The following ARMC2 variants were observed in gnomAD, a reference collection of about 807,000 sequenced individuals.
ARMC2 encodes the protein armadillo repeat containing 2, also known as armadillo repeat-containing protein 2.
Under a neutral mutation model 90.3 loss-of-function variants are expected in ARMC2, and 67 were observed. The observed-to-expected ratio is 0.74, with a 90% CI of 0.61 to 0.91. ARMC2 has a LOEUF of 0.91. Ranked by LOEUF, ARMC2 falls within the 40% of genes least tolerant of loss-of-function variation. ARMC2 has a pLI of 0.00. For missense variants in ARMC2, 920 were observed against 1,030.9 expected, an observed-to-expected ratio of 0.89 and a Z score of 1.47; for synonymous variants, 393 against 393.0, an observed-to-expected ratio of 1.00 and a Z score of 0.00.
chr6:108,876,016 A>G, intron 4 of ARMC2, 127 bp from the exon 5 acceptor site: 1 of 864,448 alleles, frequency 1.2e-6, no homozygotes, highest in African/African-American at 1.7e-5. Context: ...ATAAAATTCC[A>G]GACTTAATTA....
chr6:108,879,855 C>T (rs1415598693), intron 5 of ARMC2: 1 of 455,166 alleles, frequency 2.2e-6, no homozygotes, highest in Non-Finnish European at 4.5e-6. Context: ...AGTATCTTAA[C>T]ACTTTCAGGG....
the ARMC2 span, among the ~76,000 whole-genome samples, chr6:109,024,941 GC>G: frequency 6.6e-6 from 1 of 152,190 alleles, no homozygotes; most frequent in African/African-American, 2.4e-5. Flanking sequence ...GGCCGAACTG[GC>G]AAAGTAACAG....
chr6:108,942,768 G>A (rs1199968459), intron 12 of ARMC2, among the ~76,000 whole-genome samples: 3 of 152,110 alleles, frequency 2.0e-5, no homozygotes, highest in Admixed American at 6.5e-5. Flanking sequence ...TGGGAGGTTA[G>A]TATTGCTTCT....
chr6:108,901,801 C>T (rs538886321), intron 7 of ARMC2, among the ~76,000 whole-genome samples: 1 of 152,198 alleles, frequency 6.6e-6, no homozygotes. Flanking sequence ...TCAAATTTTG[C>T]CAATTTGTCC....
At chr6:108,945,264 T>A in intron 12 of ARMC2, among the ~76,000 whole-genome samples, 1 of 152,140 alleles carries the variant, frequency 6.6e-6, no homozygotes, top group East Asian at 1.9e-4. Context: ...TGTTGCTACA[T>A]TTAGCATCTC....
chr6:108,883,659 A>G lies in ARMC2; in HGVS notation c.671+7309A>G, dbSNP rs140147872. Among the ~76,000 whole-genome samples, 640 of 152,250 alleles carry G rather than the reference A, an allele frequency of 4.2e-3. 3 individuals are homozygous for G. Among genetic ancestry groups the G allele is most frequent in the African/African-American group, 0.014 (600 of 41,546 alleles). The stretch of plus-strand genomic sequence containing the variant: ...TTACTTTTTTCTTAACTTTAGAGAG[A>G]TCTTTTAGAAACTATTCTCTCTTTG... On this transcript the variant is annotated intron_variant, in intron 5 of 17. Transcript: ENST00000392644.
intron 5 of ARMC2, among the ~76,000 whole-genome samples, chr6:108,881,001 A>G (rs1374529495): frequency 6.6e-6 from 1 of 151,828 alleles, no homozygotes; most frequent in Non-Finnish European, 1.5e-5. Context: ...GATTACAGGC[A>G]TGTGCCACCA....
chr6:108,894,623 C>T, intron 6 of ARMC2, 80 bp downstream of exon 6: 1 of 1,249,286 alleles, frequency 8.0e-7, no homozygotes, highest in Non-Finnish European at 1.1e-6. Context: ...TCTATGTTGG[C>T]CACTGGAAAC....
At chr6:108,967,713 CT>C (rs1362219054) in intron 17 of ARMC2, among the ~76,000 whole-genome samples, 2 of 152,112 alleles carry the variant, frequency 1.3e-5, no homozygotes, top group Non-Finnish European at 2.9e-5. Flanking sequence ...TATTTGTATT[CT>C]TTTTATTGTT....
the ARMC2 span, chr6:108,990,823 C>T: frequency 6.2e-7 from 1 of 1,613,702 alleles, no homozygotes; most frequent in Non-Finnish European, 8.5e-7. Context: ...CCATGATCTT[C>T]CCAGCAATAG....
chr6:109,001,605 A>C, the ARMC2 span: 3 of 880,296 alleles, frequency 3.4e-6, no homozygotes, highest in Non-Finnish European at 5.2e-6. Context: ...TGGCTTAAGA[A>C]AGAGGGGTTA....
At chr6:109,045,005 A>G in the ARMC2 span, among the ~76,000 whole-genome samples, 2 of 151,976 alleles carry the variant, frequency 1.3e-5, no homozygotes, top group African/African-American at 4.8e-5. Flanking sequence ...CCTGGGCAAC[A>G]AGAGCGAGAC....
At chr6:108,966,879 T>C (rs780054305) in intron 17 of ARMC2, among the ~76,000 whole-genome samples, 12 of 152,236 alleles carry the variant, frequency 7.9e-5, no homozygotes, top group Non-Finnish European at 1.8e-4. Context: ...CAGGTGAGTC[T>C]ATTAGCTAAG....
intron 11 of ARMC2, among the ~76,000 whole-genome samples, chr6:108,930,140 AG>A (rs1775414899): frequency 6.6e-6 from 1 of 151,894 alleles, no homozygotes; most frequent in Admixed American, 6.6e-5. Flanking sequence ...AAAAAAAAAA[AG>A]AATCCAAACT....
At chr6:108,912,100 T>G (rs1324335673) in intron 9 of ARMC2, among the ~76,000 whole-genome samples, 1 of 152,194 alleles carries the variant, frequency 6.6e-6, no homozygotes, top group East Asian at 1.9e-4. Context: ...AAAAGAATAC[T>G]TTCTCATTTA....
the ARMC2 span, among the ~76,000 whole-genome samples, chr6:108,991,873 T>C: frequency 6.6e-6 from 1 of 152,190 alleles, no homozygotes; most frequent in East Asian, 1.9e-4. Context: ...CTTGAAGCTC[T>C]CAGCAGCCAA....
rs911217153 is a variant in ARMC2, at chr6:108,854,629, A to C, written c.218+144A>C. The stretch of plus-strand genomic sequence containing the variant: ...TTCACAGCAAAATTGAGTGGAAGGT[A>C]CAGAGATTTCCCATGTACCCCCTAC... On this transcript the variant is annotated intron_variant, in intron 2 of 17. Coordinates refer to ENST00000392644, the MANE Select transcript of ARMC2 (RefSeq NM_032131.6). The C allele has an allele frequency of 4.5e-5, 35 of 779,904 alleles. No homozygotes were observed. In the Admixed American group the frequency reaches 9.5e-4, roughly 21 times the overall value. 48.3% of individuals were successfully genotyped at this position (779,904 alleles called of 1,614,324 possible). A position where few individuals can be genotyped will look rare whatever the true frequency, so the allele number is the denominator to read the frequency against.
chr6:108,959,730 G>T (rs115643887), intron 13 of ARMC2, among the ~76,000 whole-genome samples: 18,048 of 151,742 alleles, frequency 0.12, 1,134 homozygotes, highest in Middle Eastern at 0.21. Flanking sequence ...CTGTCACCCG[G>T]ACTGGAGTGC....
intron 17 of ARMC2, among the ~76,000 whole-genome samples, chr6:108,967,935 G>A (rs1010023498): frequency 3.9e-5 from 6 of 152,030 alleles, no homozygotes; most frequent in Non-Finnish European, 8.8e-5. Context: ...CCCTTCCCAC[G>A]TAGCTTCTCA....
Sources: allele counts gnomAD v4.1 joint callset (sites outside exome capture counted in the v4.1 genomes callset), GRCh38; gene constraint gnomAD v4.1.1; transcripts MANE v1.5; gene names NCBI Gene and HGNC (gene_info 2026-07-23, HGNC 2026-07-21).